EDDM13: variants seen among roughly 807,000 people sequenced by gnomAD.
EDDM13 encodes the protein epididymal protein 13.
A neutral mutation model predicts 17.8 loss-of-function variants in EDDM13; 24 were observed. The observed-to-expected ratio is 1.35, with a 90% CI of 0.98 to 1.90. The LOEUF (loss-of-function observed/expected upper bound fraction) is 1.90, where lower values mean the gene tolerates loss of function less well. Ranked by LOEUF, EDDM13 falls within the 40% of genes most tolerant of loss-of-function variation. The probability of loss-of-function intolerance (pLI) is 0.00; values close to 1 mark genes in which losing one functional copy is unlikely to be tolerated. For synonymous variants in EDDM13, 31 were observed against 37.5 expected (o/e 0.83, Z 0.63); for missense variants, 97 against 100.8 (o/e 0.96, Z 0.16).
At chr19:56,295,121 G>A (rs1205337023) in intron 9 of EDDM13, 2 of 152,154 alleles carry the variant, frequency 1.3e-5, no homozygotes, top group African/African-American at 4.8e-5. Flanking sequence ...CTTTGTGAAT[G>A]TCCTAAAAAC....
intron 12 of EDDM13, 54 bp from the exon 13 acceptor site, chr19:56,301,914 C>G: frequency 8.1e-7 from 1 of 1,231,884 alleles, no homozygotes. Flanking sequence ...ACAGGAAGCT[C>G]TAAGGCAGGA....
intron 1 of EDDM13, among the ~76,000 whole-genome samples, chr19:56,275,500 G>C (rs1444663209): frequency 6.6e-6 from 1 of 152,204 alleles, no homozygotes; most frequent in Admixed American, 6.5e-5. Context: ...GGAGGCCAAC[G>C]CAAGAGGATC....
intron 3 of EDDM13, 107 bp from the exon 4 acceptor site, chr19:56,282,384 C>A: frequency 1.6e-6 from 1 of 632,596 alleles, no homozygotes; most frequent in Non-Finnish European, 2.0e-6. Context: ...CAATGAGGTA[C>A]CAAGGATGAC....
At chr19:56,273,568 T>C (rs571717732) in intron 1 of EDDM13, among the ~76,000 whole-genome samples, 1 of 152,206 alleles carries the variant, frequency 6.6e-6, no homozygotes, top group African/African-American at 2.4e-5. Flanking sequence ...AGGTAAGGAA[T>C]AGGAGCTGGC....
chr19:56,275,455 G>A (rs369447163), intron 1 of EDDM13, among the ~76,000 whole-genome samples: 3 of 152,246 alleles, frequency 2.0e-5, no homozygotes, highest in African/African-American at 7.2e-5. Context: ...TATTGGTTGG[G>A]TGCAGTGGCT....
At chr19:56,278,027 C>T (rs1337589460) in intron 2 of EDDM13, among the ~76,000 whole-genome samples, 1 of 151,590 alleles carries the variant, frequency 6.6e-6, no homozygotes, top group Non-Finnish European at 1.5e-5. Flanking sequence ...TACATTTTTG[C>T]AAATCTCTTT....
intron 8 of EDDM13, among the ~76,000 whole-genome samples, chr19:56,289,286 T>C (rs539039604): frequency 6.6e-6 from 1 of 152,216 alleles, no homozygotes; most frequent in Non-Finnish European, 1.5e-5. Flanking sequence ...ATGTCTTTTT[T>C]TATTTGGTGT....
chr19:56,304,940 T>C (rs1481202071), intron 14 of EDDM13, 110 bp downstream of exon 14: 3 of 290,440 alleles, frequency 1.0e-5, no homozygotes, highest in Non-Finnish European at 1.0e-5. Flanking sequence ...ATTTGGAAGC[T>C]GCAATCATAG....
intron 6 of EDDM13, among the ~76,000 whole-genome samples, chr19:56,287,291 C>T (rs1185635852): frequency 1.3e-5 from 2 of 152,244 alleles, no homozygotes; most frequent in South Asian, 2.1e-4. Context: ...AAACATTTTA[C>T]GGAAACCTAT....
chr19:56,308,297 G>A (rs1009370596), intron 14 of EDDM13, among the ~76,000 whole-genome samples: 5 of 151,738 alleles, frequency 3.3e-5, no homozygotes, highest in Non-Finnish European at 5.9e-5. Flanking sequence ...CTCCCAAAGT[G>A]CTGGGATTAC....
chr19:56,300,603 A>C (rs958380109), intron 12 of EDDM13, among the ~76,000 whole-genome samples: 8 of 152,230 alleles, frequency 5.3e-5, no homozygotes, highest in Non-Finnish European at 1.2e-4. Context: ...AGATTAGTGT[A>C]AACGTTGAAG....
At chr19:56,276,357 A>C (rs1033380636) in intron 2 of EDDM13, among the ~76,000 whole-genome samples, 1 of 152,176 alleles carries the variant, frequency 6.6e-6, no homozygotes, top group Non-Finnish European at 1.5e-5. Context: ...TCGGAAAATG[A>C]AGAGCATTTA....
At position 56,281,628 on chromosome 19, in the gene EDDM13, T is replaced by C. The variant is rs1055238392; in HGVS notation, c.104-65T>C. The C allele has an allele frequency of 3.6e-5, 32 of 889,596 alleles. No individual in the cohort carries two copies. In the African/African-American group the frequency reaches 5.1e-4, roughly 14 times the overall value. The allele number at this position is 889,596 out of a possible 1,614,324, so 55.1% of individuals were successfully genotyped here. ...CAGAGATGGATGATGTTAATATTAATTCCACTCTCTTCCTTGAATTTTCCA... is the reference window on the plus strand; with the variant it reads ...CAGAGATGGATGATGTTAATATTAACTCCACTCTCTTCCTTGAATTTTCCA... On this transcript the variant is annotated intron_variant, in intron 2 of 14. Coordinates refer to ENST00000649256, the MANE Select transcript of EDDM13 (RefSeq NM_001354658.2).
intron 13 of EDDM13, among the ~76,000 whole-genome samples, chr19:56,302,616 T>TTCCTCCCTCCCTCC (rs1228088991): frequency 4.7e-4 from 44 of 94,008 alleles, no homozygotes; most frequent in East Asian, 1.2e-3. Flanking sequence ...CCTCTCCCTC[T>TTCCTCCCTCCCTCC]TCCTCCCTCC....
At chr19:56,307,704 C>T (rs2040789706) in intron 14 of EDDM13, among the ~76,000 whole-genome samples, 1 of 152,162 alleles carries the variant, frequency 6.6e-6, no homozygotes, top group African/African-American at 2.4e-5. Context: ...TCAGGTAATA[C>T]AATTTTTTCC....
intron 2 of EDDM13, among the ~76,000 whole-genome samples, chr19:56,277,926 G>C (rs1315482892): frequency 6.6e-6 from 1 of 152,096 alleles, no homozygotes; most frequent in East Asian, 1.9e-4. Context: ...TGAAAAATAA[G>C]GATAATAAAT....
At chr19:56,300,720 C>T (rs897759600) in intron 12 of EDDM13, among the ~76,000 whole-genome samples, 4 of 151,572 alleles carry the variant, frequency 2.6e-5, no homozygotes, top group African/African-American at 7.3e-5. Flanking sequence ...CATTTTTTTT[C>T]GTTTTCGATT....
intron 2 of EDDM13, among the ~76,000 whole-genome samples, chr19:56,276,916 A>G (rs1281174422): frequency 1.3e-5 from 2 of 152,002 alleles, no homozygotes; most frequent in East Asian, 3.8e-4. Flanking sequence ...TACAAATATT[A>G]TAAATATTTA....
intron 13 of EDDM13, among the ~76,000 whole-genome samples, chr19:56,302,594 C>CCCCCCT: frequency 2.5e-5 from 1 of 39,414 alleles, no homozygotes; most frequent in Admixed American, 2.7e-4. Flanking sequence ...TTTTCTTCCT[C>CCCCCCT]TCCCTCTTCT....
Sources: gnomAD v4.1 joint callset for allele counts (sites outside exome capture counted in the v4.1 genomes callset) on GRCh38, gnomAD v4.1.1 for gene constraint, MANE v1.5 for transcripts, NCBI Gene and HGNC (gene_info 2026-07-23, HGNC 2026-07-21) for gene names.